Variants in CACNA1H observed in about 807,000 individuals in gnomAD.
The protein encoded by CACNA1H is calcium voltage-gated channel subunit alpha1 H.
CACNA1H carries 149 observed loss-of-function variants against 192.5 expected under a neutral mutation model. That is an observed-to-expected ratio of 0.77 (90% CI 0.68 to 0.89). The LOEUF (loss-of-function observed/expected upper bound fraction) is 0.89, where lower values mean the gene tolerates loss of function less well. CACNA1H is among the 40% of genes least tolerant of loss of function. The pLI is 0.00. For synonymous variants in CACNA1H, 2,202 were observed against 1,475.2 expected, an observed-to-expected ratio of 1.49 and a Z score of -11.29; for missense variants, 4,257 against 3,423.5, an observed-to-expected ratio of 1.24 and a Z score of -6.08.
At chr16:1,201,138 C>T (rs1265821587) in intron 8 of CACNA1H, among the ~76,000 whole-genome samples, 5 of 152,142 alleles carry the variant, frequency 3.3e-5, no homozygotes, top group Admixed American at 2.6e-4. Context: ...CTCATAGGCC[C>T]CAGTGGGTCC....
At chr16:1,215,691 G>A in intron 30 of CACNA1H, 98 bp downstream of exon 30, 5 of 967,362 alleles carry the variant, frequency 5.2e-6, no homozygotes, top group Non-Finnish European at 3.1e-6. Context: ...CGTTTCTCTG[G>A]TCCCTCGGTT....
intron 6 of CACNA1H, among the ~76,000 whole-genome samples, chr16:1,199,373 T>C (rs1203012284): frequency 2.0e-3 from 9 of 4,596 alleles, no homozygotes; most frequent in South Asian, 0.025. Flanking sequence ...CCCACCCCCA[T>C]CATGGCTCCG....
chr16:1,172,535 T>C (rs141971268), intron 2 of CACNA1H, among the ~76,000 whole-genome samples: 27 of 152,316 alleles, frequency 1.8e-4, no homozygotes, highest in African/African-American at 6.5e-4. Flanking sequence ...TCACCCGCTC[T>C]GTGGAGGGAA....
chr16:1,184,715 C>T (rs1390801890), intron 2 of CACNA1H, among the ~76,000 whole-genome samples: 5 of 152,230 alleles, frequency 3.3e-5, no homozygotes, highest in Non-Finnish European at 5.9e-5. Context: ...GGAGGAGACA[C>T]CCCCACCAAC....
intron 2 of CACNA1H, among the ~76,000 whole-genome samples, chr16:1,193,189 T>TC (rs1470296550): frequency 6.6e-6 from 1 of 152,034 alleles, no homozygotes; most frequent in African/African-American, 2.4e-5. Flanking sequence ...AGAAAACCCC[T>TC]CCCCTCGGGA....
At position 1,198,763 on chromosome 16, in the gene CACNA1H, T is replaced by A; in HGVS notation, c.792T>A (p.Ser264Arg). Residue 264 changes from serine to arginine, a missense_variant, in exon 6 of 35, where the codon AGT (serine) becomes AGA (arginine). Coordinates refer to ENST00000348261, the MANE Select transcript of CACNA1H (RefSeq NM_021098.3). ...TGCGGAACCGCTGCTTCCTGGACAG[T>A]GCCTTTGTCAGGTGCCCAGGCCCCA... ...GLLRNRCFLD[S>R]AFVRNNNLTF... is the part of the protein sequence containing the mutation. The A allele has an allele frequency of 6.2e-7, 1 of 1,611,368 alleles. No homozygotes were observed. Among genetic ancestry groups the A allele is most frequent in the Non-Finnish European group, 8.5e-7 (1 of 1,179,122 alleles).
At chr16:1,196,067 G>C (rs35907691) in intron 5 of CACNA1H, 44 bp downstream of exon 5, 1 of 1,478,328 alleles carries the variant, frequency 6.8e-7, no homozygotes, top group South Asian at 1.1e-5. Context: ...ACAGGCTTGC[G>C]TGTCCGCCAG....
rs558708471 is a variant in CACNA1H, at chr16:1,176,572, C to T, written c.300-18400C>T. ...CGGGCCTGGGCTGCTGTGGGGATTC[C>T]GAGAATGGAATCTGGGTCTCAGGTG... is the stretch of plus-strand genomic sequence containing the variant. On this transcript the variant is annotated intron_variant, in intron 2 of 34. Coordinates refer to ENST00000348261, the MANE Select transcript of CACNA1H (RefSeq NM_021098.3). Among the ~76,000 whole-genome samples the T allele has an allele frequency of 8.5e-5, 13 of 152,310 alleles. No individual in the cohort carries two copies. The South Asian group carries it at 2.3e-3, about 27-fold the overall frequency.
chr16:1,158,367 C>T (rs1220533453), intron 2 of CACNA1H, among the ~76,000 whole-genome samples: 6 of 151,026 alleles, frequency 4.0e-5, no homozygotes, highest in Non-Finnish European at 8.9e-5. Context: ...CCGGGGGTGA[C>T]GACAGGGTAG....
At position 1,153,944 on chromosome 16, in the gene CACNA1H, C is replaced by G; in HGVS notation, c.207C>G (p.Arg69=). 6.9e-7 allele frequency: 1 copy of G among 1,454,848 alleles called. No individual in the cohort carries two copies. The allele number at this position is 1,454,848 out of a possible 1,614,324, so 90.1% of individuals were successfully genotyped here. Residue 69 remains arginine, a synonymous_variant, in exon 2 of 35, where the codon CGC becomes CGG. Transcript: ENST00000348261. ...GAELGADEEQ[R]VPYPALAATV... Reference sequence around the variant, plus strand: ...AGCTGGGTGCCGACGAGGAGCAGCGCGTCCCGTACCCGGCCTTGGCGGCCA... The same window carrying G: ...AGCTGGGTGCCGACGAGGAGCAGCGGGTCCCGTACCCGGCCTTGGCGGCCA...
chr16:1,169,126 C>T (rs1239801043), intron 2 of CACNA1H, among the ~76,000 whole-genome samples: 2 of 144,054 alleles, frequency 1.4e-5, no homozygotes, highest in African/African-American at 5.3e-5. Context: ...GGTGTGCATC[C>T]CAGAGCCTGC....
intron 2 of CACNA1H, among the ~76,000 whole-genome samples, chr16:1,193,884 G>C (rs1222886436): frequency 6.6e-6 from 1 of 152,094 alleles, no homozygotes; most frequent in Non-Finnish European, 1.5e-5. Flanking sequence ...CACCAAGCCT[G>C]TTCCCCTCCT....
intron 2 of CACNA1H, among the ~76,000 whole-genome samples, chr16:1,179,521 C>T (rs564978815): frequency 2.6e-5 from 4 of 151,942 alleles, no homozygotes; most frequent in South Asian, 4.2e-4. Context: ...CTCCGCCTCC[C>T]GGGTTCAAGC....
At position 1,202,432 on chromosome 16, in the gene CACNA1H, C is replaced by T. The variant is rs780376174; in HGVS notation, c.1982C>T (p.Pro661Leu). ...AGCCCTGATCCCTACGAGAAGATCCCGCATGTGGTCGGGGAGCATGGTGAG... is the reference window on the plus strand; with the variant it reads ...AGCCCTGATCCCTACGAGAAGATCCTGCATGTGGTCGGGGAGCATGGTGAG... ...LNSPDPYEKIPHVVGEHGLGQ... is the reference protein window; with the variant it reads ...LNSPDPYEKILHVVGEHGLGQ... The change falls in exon 9 of 35, where the codon CCG becomes CTG. Residue 661 changes from proline (P) to leucine (L), a missense_variant. By Grantham distance (98) the Pro-to-Leu change is moderately conservative (BLOSUM62 -3). Coordinates refer to ENST00000348261, the MANE Select transcript of CACNA1H (RefSeq NM_021098.3). The T allele has an allele frequency of 6.6e-6, 10 of 1,503,796 alleles. No individual in the cohort carries two copies. Among genetic ancestry groups the T allele is most frequent in the African/African-American group, 4.2e-5 (3 of 72,162 alleles). 93.2% of individuals were successfully genotyped at this position (1,503,796 alleles called of 1,614,324 possible).
Position 1,213,822 on chromosome 16 carries a change from G to C in CACNA1H, c.4820G>C (p.Arg1607Pro), listed in dbSNP as rs377532485. Residue 1607 changes from arginine to proline, a missense_variant, in exon 27 of 35, where the codon CGC becomes CCC. Arg to Pro is a moderately radical substitution (Grantham distance 103). Coordinates refer to ENST00000348261, the MANE Select transcript of CACNA1H (RefSeq NM_021098.3). Reference sequence around the variant, plus strand: ...TACTATGCCGACTACTCGCCCACGCGCCGCTCCATTCACTCGCTGTGCACC... The same window carrying C: ...TACTATGCCGACTACTCGCCCACGCCCCGCTCCATTCACTCGCTGTGCACC... The part of the protein sequence containing the change: ...RPYYADYSPT[R>P]RSIHSLCTSH... 1 of 1,587,174 alleles carries C rather than the reference G, an allele frequency of 6.3e-7. No homozygotes were observed.
At chr16:1,198,288 T>G (rs1369941753) in intron 5 of CACNA1H, among the ~76,000 whole-genome samples, 1 of 152,080 alleles carries the variant, frequency 6.6e-6, no homozygotes, top group Non-Finnish European at 1.5e-5. Flanking sequence ...GTCCCCTGCC[T>G]CCACTCCTGC....
In CACNA1H at chr16:1,201,561, T is replaced by C. The variant is rs897210947; in HGVS notation, c.1213-102T>C. The C allele has an allele frequency of 1.6e-5, 22 of 1,384,592 alleles. No individual in the cohort carries two copies. In the African/African-American group the frequency reaches 3.0e-4, roughly 19 times the overall value. The allele number at this position is 1,384,592 out of a possible 1,614,324, so 85.8% of individuals were successfully genotyped here. On this transcript the variant is annotated intron_variant, in intron 8 of 34. Transcript: ENST00000348261. The stretch of plus-strand genomic sequence containing the variant: ...AGCAGGGCACCTCGCCCACTGTGCC[T>C]GTGACGCGGCCCCCACTCGAACAGG...
intron 2 of CACNA1H, among the ~76,000 whole-genome samples, chr16:1,192,622 G>GCC: frequency 6.6e-6 from 1 of 152,254 alleles, no homozygotes; most frequent in Non-Finnish European, 1.5e-5. Flanking sequence ...GGTCAGGCAA[G>GCC]TGGCTGGGGG....
rs947511691 is a variant in CACNA1H, at chr16:1,153,137, G to A, written c.-352G>A. Reference sequence around the variant, plus strand: ...AAGTTTCCTGCGCCGCGCGCGGACGGGCTCGAGGCTCGCTCGCTGCCTCAC... The same window carrying A: ...AAGTTTCCTGCGCCGCGCGCGGACGAGCTCGAGGCTCGCTCGCTGCCTCAC... On this transcript the variant is annotated 5_prime_UTR_variant, in exon 1 of 35. Coordinates refer to ENST00000348261, the MANE Select transcript of CACNA1H (RefSeq NM_021098.3). 8.3e-5 allele frequency: 12 copies of A among 144,330 alleles called. No homozygotes were observed. Among genetic ancestry groups the A allele is most frequent in the Non-Finnish European group, 1.5e-4 (10 of 64,868 alleles). The allele number at this position is 144,330 out of a possible 1,614,324, so 8.9% of individuals were successfully genotyped here. A position where few individuals can be genotyped will look rare whatever the true frequency, so the allele number is the denominator to read the frequency against.
Sources: allele counts gnomAD v4.1 joint callset (sites outside exome capture counted in the v4.1 genomes callset), GRCh38; gene constraint gnomAD v4.1.1; transcripts MANE v1.5; gene names NCBI Gene and HGNC (gene_info 2026-07-23, HGNC 2026-07-21).